The following NELFA variants were observed in gnomAD, a reference collection of about 807,000 sequenced individuals.
NELFA encodes negative elongation factor complex member A.
A neutral mutation model predicts 51.8 loss-of-function variants in NELFA; 35 were observed. That is an observed-to-expected ratio of 0.68 (90% CI 0.52 to 0.90). The LOEUF is 0.90. Ranked by LOEUF, NELFA falls within the 40% of genes least tolerant of loss-of-function variation. The pLI is 0.00. For synonymous variants in NELFA, 417 were observed against 338.4 expected (o/e 1.23, Z -2.55); for missense variants, 658 against 746.4 (o/e 0.88, Z 1.38).
intron 1 of NELFA, among the ~76,000 whole-genome samples, chr4:2,006,311 G>A (rs982246470): frequency 2.0e-5 from 3 of 152,192 alleles, no homozygotes; most frequent in East Asian, 1.9e-4. Context: ...TCAATTCCAC[G>A]CAGACTGAAG....
intron 1 of NELFA, among the ~76,000 whole-genome samples, chr4:1,997,597 G>C (rs1465793728): frequency 6.6e-6 from 1 of 152,220 alleles, no homozygotes; most frequent in Non-Finnish European, 1.5e-5. Context: ...ATATCAAAAA[G>C]ATAACAAATG....
intron 1 of NELFA, among the ~76,000 whole-genome samples, chr4:2,000,178 C>G (rs1406424837): frequency 6.6e-6 from 1 of 152,088 alleles, no homozygotes; most frequent in East Asian, 1.9e-4. Flanking sequence ...CTAGAAAGAT[C>G]TCAATTAAAA....
At chr4:1,993,463 C>T (rs1728336268) in intron 1 of NELFA, among the ~76,000 whole-genome samples, 1 of 151,932 alleles carries the variant, frequency 6.6e-6, no homozygotes, top group Admixed American at 6.6e-5. Context: ...CCTGTAATCC[C>T]AGCTACTTGG....
Position 1,987,912 on chromosome 4 carries a change from C to T in NELFA, c.634+6G>A. 1.9e-6 allele frequency: 3 copies of T among 1,600,594 alleles called. No homozygotes were observed. Among genetic ancestry groups the T allele is most frequent in the Non-Finnish European group, 2.6e-6 (3 of 1,175,010 alleles). ...AAGGCTCACGGCACCAGGGTGGGGGCCTTACTGGTGGTGTCCATCTTCCGC... is the reference window on the plus strand; with the variant it reads ...AAGGCTCACGGCACCAGGGTGGGGGTCTTACTGGTGGTGTCCATCTTCCGC... On this transcript the variant is annotated splice_donor_region_variant and intron_variant, in intron 4 of 10. Transcript: ENST00000382882.
At chr4:2,005,323 AAGGTAATTGG>A (rs1157809538) in intron 1 of NELFA, among the ~76,000 whole-genome samples, 1 of 152,168 alleles carries the variant, frequency 6.6e-6, no homozygotes, top group Non-Finnish European at 1.5e-5. Context: ...AAAAAAACAA[AAGGTAATTGG>A]AGAAAGAAAA....
At chr4:1,988,311 C>T (rs968510769) in intron 3 of NELFA, among the ~76,000 whole-genome samples, 2 of 152,254 alleles carry the variant, frequency 1.3e-5, no homozygotes, top group African/African-American at 4.8e-5. Flanking sequence ...TCCATCGACC[C>T]GGGCCTCCCC....
At chr4:1,999,562 G>C (rs1223966216) in intron 1 of NELFA, among the ~76,000 whole-genome samples, 1 of 152,042 alleles carries the variant, frequency 6.6e-6, no homozygotes, top group Non-Finnish European at 1.5e-5. Context: ...ATTACACAAT[G>C]GTAAAGGGAA....
Position 1,983,916 on chromosome 4 carries a change from C to A in NELFA, c.1234G>T (p.Val412Phe). 1 of 1,606,828 alleles carries A rather than the reference C, an allele frequency of 6.2e-7. No homozygotes were observed. Among genetic ancestry groups the A allele is most frequent in the Non-Finnish European group, 8.5e-7 (1 of 1,176,732 alleles). ...AVAPTTQTPP[V>F]AMVAPQTQAP... ...TGGGTCTGCGGGGCCACCATGGCAA[C>A]CGGGGGTGTCTGAGTGGTAGGGGCG... Residue 412 changes from valine to phenylalanine, a missense_variant, in exon 9 of 11, where the codon GTT (valine) becomes TTT (phenylalanine). Physicochemically the swap from Val to Phe is conservative, Grantham distance 50. Coordinates refer to ENST00000382882, the MANE Select transcript of NELFA (RefSeq NM_005663.5).
rs754692749 is a variant in NELFA at position 1,991,669 on chromosome 4, G to A, written c.257C>T (p.Ser86Leu). Residue 86 changes from serine (S) to leucine (L), a missense_variant, in exon 2 of 11, where the codon TCG becomes TTG. Physicochemically the swap from Ser to Leu is moderately radical, Grantham distance 145. Around this residue, in one of 3 missense-constraint regions of NELFA, gnomAD observed 371 missense variants for 448.3 expected, o/e 0.83. Transcript: ENST00000382882. ...GGCGACCATGAGCACCCAGGGGTCC[G>A]AGTCGAGGCTGGCGAGCTGGATGAT... ...MEIIQLASLDSDPWVLMVADI... is the reference protein window; with the variant it reads ...MEIIQLASLDLDPWVLMVADI... 5.6e-6 allele frequency: 9 copies of A among 1,612,664 alleles called. No homozygotes were observed. Among genetic ancestry groups the A allele is most frequent in the East Asian group, 2.2e-5 (1 of 44,892 alleles).
chr4:1,995,770 G>C (rs957568657), intron 1 of NELFA, among the ~76,000 whole-genome samples: 2 of 152,084 alleles, frequency 1.3e-5, no homozygotes, highest in Non-Finnish European at 2.9e-5. Flanking sequence ...TATACACTTG[G>C]ATGCACCTAA....
At chr4:1,991,298 A>G (rs1295151246) in intron 2 of NELFA, among the ~76,000 whole-genome samples, 2 of 152,118 alleles carry the variant, frequency 1.3e-5, no homozygotes, top group Non-Finnish European at 2.9e-5. Flanking sequence ...GTGGCGTGAC[A>G]CAGCCTCCCA....
In NELFA at chr4:1,989,835, C is replaced by T; in HGVS notation, c.417G>A (p.Leu139=). ...CGTTTTTGTTCAAGTACTGGCACTC[C>T]AGTGGCAGCATGGCAGACGCTTCAC... is the stretch of plus-strand genomic sequence containing the variant. ...GECEASAMLP[L]ECQYLNKNAL... is the part of the protein sequence containing the mutation. The change falls in exon 3 of 11, where the codon CTG becomes CTA. Residue 139 remains leucine (L), a synonymous_variant. Transcript: ENST00000382882. The surrounding 1 kb of genome is among the most constrained non-coding windows in gnomAD (Gnocchi z 4.8). 1 of 1,614,178 alleles carries T rather than the reference C, an allele frequency of 6.2e-7. No individual in the cohort carries two copies. The highest frequency in any genetic ancestry group is 8.5e-7 in the Non-Finnish European group (1 of 1,180,032).
intron 1 of NELFA, among the ~76,000 whole-genome samples, chr4:1,993,325 T>C (rs1026474150): frequency 1.3e-5 from 2 of 152,162 alleles, no homozygotes; most frequent in Non-Finnish European, 2.9e-5. Flanking sequence ...CTCATGTCTG[T>C]AGACCCCGCA....
At chr4:1,992,671 C>T (rs1728308215) in intron 1 of NELFA, 2 of 204,594 alleles carry the variant, frequency 9.8e-6, no homozygotes, top group Non-Finnish European at 2.1e-5. Context: ...CCTACGAGGG[C>T]TGCGGCCATC....
At chr4:2,006,022 G>C (rs1352377717) in intron 1 of NELFA, among the ~76,000 whole-genome samples, 2 of 152,158 alleles carry the variant, frequency 1.3e-5, no homozygotes, top group African/African-American at 4.8e-5. Context: ...AGTGTGAAGG[G>C]ACAAGAATAG....
chr4:1,990,218 TAAG>T (rs1728232147), intron 2 of NELFA, among the ~76,000 whole-genome samples: 2 of 151,938 alleles, frequency 1.3e-5, no homozygotes. Context: ...CACCCCCACG[TAAG>T]AAGGACCCCC....
intron 1 of NELFA, among the ~76,000 whole-genome samples, chr4:2,005,154 C>T (rs941882455): frequency 6.6e-6 from 1 of 151,506 alleles, no homozygotes; most frequent in East Asian, 1.9e-4. Context: ...TTTTTTTTTA[C>T]AAGTCTTCTA....
Position 1,983,482 on chromosome 4 carries a change from C to T in NELFA, c.1424G>A (p.Gly475Glu). 1 of 1,614,118 alleles carries T rather than the reference C, an allele frequency of 6.2e-7. No individual in the cohort carries two copies. The highest frequency in any genetic ancestry group is 8.5e-7 in the Non-Finnish European group (1 of 1,180,022). ...GSRENPCQEQ[G>E]DVIQIKLSEH... ...GCTCAGCTTGATCTGGATCACGTCC[C>T]CCTGCTCCTGGCACGGGTTCTCTGC... is the stretch of plus-strand genomic sequence containing the variant. The change falls in exon 11 of 11, where the codon GGG (glycine) becomes GAG (glutamate). Residue 475 changes from glycine to glutamate, a missense_variant. Around this residue, in one of 3 missense-constraint regions of NELFA, gnomAD observed 87 missense variants for 130.2 expected, o/e 0.67. Coordinates refer to ENST00000382882, the MANE Select transcript of NELFA (RefSeq NM_005663.5).
intron 1 of NELFA, among the ~76,000 whole-genome samples, chr4:1,999,025 C>T (rs1481926552): frequency 6.6e-6 from 1 of 152,054 alleles, no homozygotes; most frequent in East Asian, 1.9e-4. Context: ...ATTTTCAACC[C>T]AGAATTTAAT....
Sources: gnomAD v4.1 joint callset for allele counts (sites outside exome capture counted in the v4.1 genomes callset) on GRCh38, gnomAD v4.1.1 for gene constraint, gnomAD v4.1.1 regional missense constraint, Gnocchi (gnomAD v3.1) non-coding constraint, MANE v1.5 for transcripts, NCBI Gene and HGNC (gene_info 2026-07-23, HGNC 2026-07-21) for gene names.